PTCHD4: variants seen among roughly 807,000 people sequenced by gnomAD.
The protein encoded by PTCHD4 is patched domain-containing protein 4.
Under a neutral mutation model 58.1 loss-of-function variants are expected in PTCHD4, and 33 were observed. The ratio of observed to expected loss-of-function variants is 0.57; its 90% CI spans 0.43 to 0.76. PTCHD4 has a LOEUF of 0.76. Ranked by LOEUF, PTCHD4 falls within the 30% of genes least tolerant of loss-of-function variation. PTCHD4 has a pLI of 0.00. For missense variants in PTCHD4, 1,058 were observed against 1,027.1 expected (o/e 1.03, Z -0.41); for synonymous variants, 478 against 409.6 (o/e 1.17, Z -2.02).
chr6:48,074,885 A>T (rs1449249359), intron 1 of PTCHD4, among the ~76,000 whole-genome samples: 1 of 152,192 alleles, frequency 6.6e-6, no homozygotes, highest in Non-Finnish European at 1.5e-5. Flanking sequence ...CATTTATGTT[A>T]AAAAGCTTTA....
Position 47,874,166 on chromosome 6 carries a change from G to A in PTCHD4, c.*4137C>T, listed in dbSNP as rs906053179. ...AATATACTAGGCCCTTTGCCTGGAA[G>A]CCAGATTTCACTTCTGAGATTTTCC... On this transcript the variant is annotated 3_prime_UTR_variant, in exon 5 of 5. Coordinates refer to ENST00000339488, the MANE Select transcript of PTCHD4 (RefSeq NM_001384253.1). Among the ~76,000 whole-genome samples, 7 of 151,676 alleles carry A rather than the reference G, an allele frequency of 4.6e-5. No homozygotes were observed. The highest frequency in any genetic ancestry group is 1.3e-4 in the Admixed American group (2 of 15,172).
At chr6:48,092,741 A>C (rs1165880499) in intron 1 of PTCHD4, among the ~76,000 whole-genome samples, 1 of 152,158 alleles carries the variant, frequency 6.6e-6, no homozygotes, top group Non-Finnish European at 1.5e-5. Context: ...TGGGGAATAC[A>C]CTGTGCAAGC....
intron 1 of PTCHD4, among the ~76,000 whole-genome samples, chr6:48,102,471 T>C (rs1006379525): frequency 2.0e-5 from 3 of 152,210 alleles, no homozygotes; most frequent in Non-Finnish European, 4.4e-5. Context: ...TTAAAAACTA[T>C]TCTTGAGGGT....
At chr6:47,893,758 A>T (rs1000232038) in intron 4 of PTCHD4, among the ~76,000 whole-genome samples, 1 of 152,260 alleles carries the variant, frequency 6.6e-6, no homozygotes, top group Non-Finnish European at 1.5e-5. Context: ...ATATAGTTGT[A>T]GCAGCATAGG....
At chr6:47,952,720 T>C (rs1202836512) in intron 4 of PTCHD4, among the ~76,000 whole-genome samples, 2 of 152,110 alleles carry the variant, frequency 1.3e-5, no homozygotes, top group Non-Finnish European at 2.9e-5. Flanking sequence ...ATTTGTAGTT[T>C]AGGAGCAATA....
At position 47,879,611 on chromosome 6, in the gene PTCHD4, A is replaced by G. The variant is rs146242183; in HGVS notation, c.1224T>C (p.Ser408=). The G allele has an allele frequency of 5.6e-6, 9 of 1,613,730 alleles. No individual in the cohort carries two copies. Among genetic ancestry groups the G allele is most frequent in the Admixed American group, 1.7e-5 (1 of 59,948 alleles). Residue 408 remains serine, a synonymous_variant, in exon 5 of 5, where the codon TCT becomes TCC. Transcript: ENST00000339488. The part of the protein sequence containing the change: ...YHSIFCCKIP[S]AEYLDRKPVW... The stretch of plus-strand genomic sequence containing the variant: ...CAGGTTTGCGATCCAGGTATTCTGC[A>G]GAAGGGATCTTACAGCAAAAGATGC...
At chr6:48,001,297 A>G (rs1768713533) in intron 4 of PTCHD4, among the ~76,000 whole-genome samples, 1 of 152,214 alleles carries the variant, frequency 6.6e-6, no homozygotes, top group African/African-American at 2.4e-5. Flanking sequence ...TCACATTGCC[A>G]AGTCAATCCT....
chr6:48,002,755 A>G (rs926044429), intron 4 of PTCHD4, among the ~76,000 whole-genome samples: 1 of 105,032 alleles, frequency 9.5e-6, no homozygotes, highest in Non-Finnish European at 2.2e-5. Context: ...AACTTAAAGT[A>G]TAATAATAAT....
chr6:48,031,808 C>T (rs1467776598), intron 3 of PTCHD4, among the ~76,000 whole-genome samples: 1 of 152,076 alleles, frequency 6.6e-6, no homozygotes, highest in Admixed American at 6.6e-5. Context: ...GTTTAAGTAT[C>T]TCAGAATGAT....
chr6:48,068,407 G>A lies in PTCHD4; in HGVS notation c.240C>T (p.Ile80=), dbSNP rs766422682. The A allele has an allele frequency of 1.2e-6, 2 of 1,613,826 alleles. No homozygotes were observed. Among genetic ancestry groups the A allele is most frequent in the East Asian group, 4.5e-5 (2 of 44,854 alleles). The change falls in exon 3 of 5, where the codon ATC becomes ATT. Residue 80 remains isoleucine, a synonymous_variant. Coordinates refer to ENST00000339488, the MANE Select transcript of PTCHD4 (RefSeq NM_001384253.1). This position sits in a 1 kb window ranked among gnomAD's most constrained non-coding sequence, Gnocchi z 4.2. ...AAAGGCTGCTGGCCAGGCTGCGCTC[G>A]ATCTTGGCCAGGCTGTGGCTGGGAG... is the stretch of plus-strand genomic sequence containing the variant. The part of the protein sequence containing the change: ...LVAPSHSLAK[I]ERSLASSLFP...
At position 47,915,725 on chromosome 6, in the gene PTCHD4, T is replaced by C. The variant is rs7770420; in HGVS notation, c.899-35789A>G. ...TTGACATTTATAATTACCATCTTTA[T>C]TAGAACCATAGACTAGGACTTTTTG... On this transcript the variant is annotated intron_variant, in intron 4 of 4. Coordinates refer to ENST00000339488, the MANE Select transcript of PTCHD4 (RefSeq NM_001384253.1). 3.9e-5 allele frequency among the ~76,000 whole-genome samples: 6 copies of C among 152,224 alleles called. No individual in the cohort carries two copies. In the East Asian group the frequency reaches 9.7e-4, roughly 25 times the overall value.
chr6:47,888,143 G>A (rs1581830244), intron 4 of PTCHD4, among the ~76,000 whole-genome samples: 3 of 152,286 alleles, frequency 2.0e-5, no homozygotes, highest in Admixed American at 2.0e-4. Context: ...GGATCACAAG[G>A]TGAGGAGATC....
At chr6:47,981,049 G>A (rs945691540) in intron 4 of PTCHD4, among the ~76,000 whole-genome samples, 13 of 151,990 alleles carry the variant, frequency 8.6e-5, no homozygotes, top group South Asian at 2.1e-4. Flanking sequence ...CTGTATTCCC[G>A]TAGTAGTTAC....
chr6:48,079,371 T>G (rs769084407), intron 1 of PTCHD4, among the ~76,000 whole-genome samples: 51 of 152,110 alleles, frequency 3.4e-4, no homozygotes, highest in Non-Finnish European at 6.8e-4. Context: ...TGAGCAAAAG[T>G]GGGCATCACA....
At position 47,868,000 on chromosome 6, in the gene PTCHD4, T is replaced by A. The variant is rs745475899; in HGVS notation, c.*10303A>T. Among the ~76,000 whole-genome samples, 73 of 151,772 alleles carry A rather than the reference T, an allele frequency of 4.8e-4. No homozygotes were observed. Among genetic ancestry groups the A allele is most frequent in the African/African-American group, 9.9e-4 (41 of 41,394 alleles). Reference sequence around the variant, plus strand: ...GACTGAATTTCTAGTTCTATCTTTTTAAAGAGTAACAAACTTTTTGGAGAC... The same window carrying A: ...GACTGAATTTCTAGTTCTATCTTTTAAAAGAGTAACAAACTTTTTGGAGAC... On this transcript the variant is annotated 3_prime_UTR_variant, in exon 5 of 5. Transcript: ENST00000339488.
At chr6:48,003,516 C>G (rs1435426665) in intron 4 of PTCHD4, among the ~76,000 whole-genome samples, 1 of 152,148 alleles carries the variant, frequency 6.6e-6, no homozygotes, top group East Asian at 1.9e-4. Flanking sequence ...CTTTTTATCA[C>G]CATCCCTGCT....
chr6:48,106,325 A>G (rs751388635), intron 1 of PTCHD4, among the ~76,000 whole-genome samples: 1 of 152,222 alleles, frequency 6.6e-6, no homozygotes, highest in Non-Finnish European at 1.5e-5. Flanking sequence ...GTAATCCAGC[A>G]TATAAACAGA....
intron 4 of PTCHD4, among the ~76,000 whole-genome samples, chr6:47,917,424 C>G (rs1465517624): frequency 1.3e-5 from 2 of 152,110 alleles, no homozygotes; most frequent in Non-Finnish European, 2.9e-5. Flanking sequence ...GACAATGGCT[C>G]TCACATATAC....
At chr6:47,907,111 T>C (rs1162967739) in intron 4 of PTCHD4, among the ~76,000 whole-genome samples, 7 of 152,146 alleles carry the variant, frequency 4.6e-5, no homozygotes, top group Admixed American at 4.6e-4. Flanking sequence ...TGGATGGAGC[T>C]ACAAGTCTCT....
Sources: allele counts gnomAD v4.1 joint callset (sites outside exome capture counted in the v4.1 genomes callset), GRCh38; gene constraint gnomAD v4.1.1; non-coding constraint Gnocchi (gnomAD v3.1); transcripts MANE v1.5; gene names NCBI Gene and HGNC (gene_info 2026-07-23, HGNC 2026-07-21).